The following LPA variants were observed in gnomAD, a reference collection of about 807,000 sequenced individuals.
LPA encodes the protein lipoprotein(a).
LPA carries 199 observed loss-of-function variants against 197.9 expected under a neutral mutation model. The observed-to-expected ratio is 1.01, with a 90% CI of 0.90 to 1.13. LPA has a LOEUF of 1.13. Among genes scored for constraint, LPA ranks in the 50% most tolerant of loss-of-function variants. The probability of loss-of-function intolerance (pLI) is 0.00; values close to 1 mark genes in which losing one functional copy is unlikely to be tolerated. For missense variants in LPA, 1,853 were observed against 1,785.8 expected (o/e 1.04, Z -0.68); for synonymous variants, 715 against 639.5 (o/e 1.12, Z -1.78).
intron 19 of LPA, 78 bp from the exon 20 acceptor site, chr6:160,599,737 C>CA: frequency 2.7e-6 from 4 of 1,487,672 alleles, no homozygotes; most frequent in Admixed American, 1.8e-5. Context: ...TGACATAAAC[C>CA]AAAAAAGAGT....
intron 17 of LPA, 136 bp from the exon 18 acceptor site, chr6:160,605,341 T>C (rs1371565652): frequency 8.9e-7 from 1 of 1,117,558 alleles, no homozygotes; most frequent in African/African-American, 1.5e-5. Flanking sequence ...ACATTCTTGT[T>C]TCTTTATTTG....
intron 16 of LPA, among the ~76,000 whole-genome samples, chr6:160,610,227 C>A (rs1169234335): frequency 6.6e-6 from 1 of 152,074 alleles, no homozygotes. Context: ...ATAGCTGAGG[C>A]AATTGACTTT....
rs374662362 is a variant in LPA, at chr6:160,609,728, A to G, written c.2603+1834T>C. 5.3e-5 allele frequency among the ~76,000 whole-genome samples: 8 copies of G among 151,702 alleles called. No individual in the cohort carries two copies. The South Asian group carries it at 1.2e-3, about 24-fold the overall frequency. The stretch of plus-strand genomic sequence containing the variant: ...CCTGCATGTCTCTGAGGGTCGGTTA[A>G]TTTTATATTTCCCTATTTCTTTAGG... On this transcript the variant is annotated intron_variant, in intron 16 of 38. Coordinates refer to ENST00000316300, the MANE Select transcript of LPA (RefSeq NM_005577.4).
At chr6:160,566,549 A>G (rs1778458019) in intron 28 of LPA, among the ~76,000 whole-genome samples, 1 of 152,246 alleles carries the variant, frequency 6.6e-6, no homozygotes. Flanking sequence ...GCCAAATTGT[A>G]AAAACCATCG....
At chr6:160,576,352 A>T (rs1482596470) in intron 28 of LPA, among the ~76,000 whole-genome samples, 1 of 44,376 alleles carries the variant, frequency 2.3e-5, no homozygotes, top group African/African-American at 1.7e-4. Context: ...ATATATATAT[A>T]TATATATATA....
intron 34 of LPA, among the ~76,000 whole-genome samples, chr6:160,541,716 G>T (rs766700183): frequency 6.6e-6 from 1 of 152,186 alleles, no homozygotes; most frequent in East Asian, 1.9e-4. Flanking sequence ...GAATAATGGT[G>T]TGAGCCACTT....
At chr6:160,535,306 A>G (rs995213130) in intron 37 of LPA, among the ~76,000 whole-genome samples, 107 of 139,956 alleles carry the variant, frequency 7.6e-4, no homozygotes, top group Non-Finnish European at 1.2e-3. Context: ...GGTGGTGGTA[A>G]TGTTAATGGT....
At chr6:160,656,856 G>GT (rs373991546) in intron 1 of LPA, among the ~76,000 whole-genome samples, 54 of 152,242 alleles carry the variant, frequency 3.5e-4, no homozygotes, top group African/African-American at 1.2e-3. Context: ...CTACCTGGCA[G>GT]TTTTTTGTTT....
intron 28 of LPA, among the ~76,000 whole-genome samples, chr6:160,560,859 C>A (rs985893154): frequency 6.6e-6 from 1 of 152,024 alleles, no homozygotes; most frequent in Non-Finnish European, 1.5e-5. Flanking sequence ...TTCTCCCATG[C>A]CTATGTCCTG....
intron 28 of LPA, among the ~76,000 whole-genome samples, chr6:160,576,369 T>TATAC (rs1778666736): frequency 1.8e-4 from 2 of 11,344 alleles, no homozygotes; most frequent in Non-Finnish European, 2.8e-4. Flanking sequence ...TATATATACA[T>TATAC]ATATATATAT....
rs532040954 is a variant in LPA, at chr6:160,595,813, CACTTGT to C, written c.3288-284_3288-279del. On this transcript the variant is annotated intron_variant, in intron 20 of 38. Transcript: ENST00000316300. ...TTTACTCTGTACATTGTGCAAGTTG[CACTTGT>C]ACTTGTACAACTTCAATTGTACTTG... Among the ~76,000 whole-genome samples, 108 of 152,296 alleles carry C rather than the reference CACTTGT, an allele frequency of 7.1e-4. 1 individual carries two copies. The highest frequency in any genetic ancestry group is 1.3e-3 in the Admixed American group (20 of 15,306).
chr6:160,544,867 G>A (rs879447360), intron 33 of LPA, among the ~76,000 whole-genome samples: 1 of 152,122 alleles, frequency 6.6e-6, no homozygotes, highest in Non-Finnish European at 1.5e-5. Flanking sequence ...GAGTCTCAGA[G>A]CAATGAGGAA....
chr6:160,562,004 T>C (rs1017619668), intron 28 of LPA, among the ~76,000 whole-genome samples: 2 of 152,226 alleles, frequency 1.3e-5, no homozygotes, highest in African/African-American at 4.8e-5. Flanking sequence ...TACAATCATG[T>C]CATCTGCAAA....
At chr6:160,531,982 T>C (rs1777814312) in intron 38 of LPA, 92 bp from the exon 39 acceptor site, 2 of 1,411,010 alleles carry the variant, frequency 1.4e-6, no homozygotes, top group Non-Finnish European at 1.0e-6. Context: ...ATGTACATTT[T>C]CCCAGTAATT....
chr6:160,546,659 C>G (rs1778076611), intron 32 of LPA, among the ~76,000 whole-genome samples: 1 of 152,160 alleles, frequency 6.6e-6, no homozygotes. Context: ...CTTGTGGGAT[C>G]TGACACTGTC....
rs764584249 is a variant in LPA at position 160,545,551 on chromosome 6, T to C, written c.5305-18A>G. The C allele has an allele frequency of 3.1e-5, 46 of 1,471,220 alleles. No homozygotes were observed. In the East Asian group the frequency reaches 5.9e-4, roughly 19 times the overall value. The allele number at this position is 1,471,220 out of a possible 1,614,324, so 91.1% of individuals were successfully genotyped here. ...CGGCAGTACTGAAAACAAGCAGGCA[T>C]GTAAGCTCCAGCTCACGTGGAGCAG... On this transcript the variant is annotated intron_variant, in intron 32 of 38. Coordinates refer to ENST00000316300, the MANE Select transcript of LPA (RefSeq NM_005577.4).
Position 160,532,521 on chromosome 6 carries a change from C to T in LPA, c.5961+10G>A. 2 of 1,568,692 alleles carry T rather than the reference C, an allele frequency of 1.3e-6. No homozygotes were observed. Among genetic ancestry groups the T allele is most frequent in the Non-Finnish European group, 1.8e-6 (2 of 1,138,892 alleles). ...GAGCACAAGACTTTGATCTATTGAT[C>T]TTTTCTTACCTGGCAACTGTCAGTG... On this transcript the variant is annotated intron_variant, in intron 38 of 38. Transcript: ENST00000316300.
At chr6:160,572,625 T>C (rs41264296) in intron 28 of LPA, among the ~76,000 whole-genome samples, 2,118 of 152,280 alleles carry the variant, frequency 0.014, 43 homozygotes, top group African/African-American at 0.049. Flanking sequence ...TCTTAGCATT[T>C]GTTTGTCCAA....
intron 28 of LPA, among the ~76,000 whole-genome samples, chr6:160,573,316 T>C (rs1283779496): frequency 1.3e-5 from 2 of 152,324 alleles, no homozygotes; most frequent in South Asian, 2.1e-4. Flanking sequence ...ATCTATTTTG[T>C]TGAATATTTC....
Sources: allele counts gnomAD v4.1 joint callset (sites outside exome capture counted in the v4.1 genomes callset), GRCh38; gene constraint gnomAD v4.1.1; transcripts MANE v1.5; gene names NCBI Gene and HGNC (gene_info 2026-07-23, HGNC 2026-07-21).